Variants in ERG observed in about 807,000 individuals in gnomAD.
ERG encodes the protein transcriptional regulator ERG.
A neutral mutation model predicts 55.3 loss-of-function variants in ERG; 9 were observed. The ratio of observed to expected loss-of-function variants is 0.16; its 90% CI spans 0.10 to 0.28. ERG has a LOEUF of 0.28. ERG is among the 10% of genes least tolerant of loss of function. The probability of loss-of-function intolerance (pLI) is 1.00; values close to 1 mark genes in which losing one functional copy is unlikely to be tolerated. For synonymous variants in ERG, 223 were observed against 237.3 expected (o/e 0.94, Z 0.55); for missense variants, 434 against 631.6 (o/e 0.69, Z 3.35).
intron 2 of ERG, among the ~76,000 whole-genome samples, chr21:38,548,789 T>C (rs1292519634): frequency 6.8e-6 from 1 of 147,080 alleles, no homozygotes; most frequent in Non-Finnish European, 1.5e-5. Context: ...AAAGAGAAAC[T>C]GAACAGTTAT....
intron 2 of ERG, among the ~76,000 whole-genome samples, chr21:38,537,246 GA>G (rs753329461): frequency 1.3e-5 from 2 of 152,012 alleles, no homozygotes; most frequent in Non-Finnish European, 2.9e-5. Flanking sequence ...CATAACACTG[GA>G]TTTCACAAGC....
chr21:38,596,494 A>G (rs372224173), intron 1 of ERG, among the ~76,000 whole-genome samples: 1 of 152,240 alleles, frequency 6.6e-6, no homozygotes, highest in African/African-American at 2.4e-5. Context: ...TTTGTGATCC[A>G]GCGATACTTG....
At chr21:38,509,924 C>T (rs9305650) in intron 2 of ERG, among the ~76,000 whole-genome samples, 49,176 of 152,166 alleles carry the variant, frequency 0.32, 9,695 homozygotes, top group Non-Finnish European at 0.43. Context: ...TCTAAGGCTT[C>T]CAGGACGCCC....
intron 3 of ERG, among the ~76,000 whole-genome samples, chr21:38,416,292 C>A (rs754872989): frequency 1.3e-5 from 2 of 152,224 alleles, no homozygotes; most frequent in Admixed American, 6.5e-5. Context: ...GGCAGGAAGA[C>A]GGTCGATGGT....
chr21:38,442,597 C>T (rs2058852270), intron 2 of ERG, among the ~76,000 whole-genome samples: 1 of 152,096 alleles, frequency 6.6e-6, no homozygotes, highest in South Asian at 2.1e-4. Flanking sequence ...TGGTGTCTTT[C>T]TTTCTTATAG....
At chr21:38,573,711 G>A (rs536904351) in intron 2 of ERG, among the ~76,000 whole-genome samples, 1 of 152,290 alleles carries the variant, frequency 6.6e-6, no homozygotes, top group African/African-American at 2.4e-5. Context: ...AATTAAAACT[G>A]AGGGAACTCA....
Position 38,381,525 on chromosome 21 carries a change from T to C in ERG, c.*1878A>G, listed in dbSNP as rs1031144602. ...AAGCTGTCTACCTAGTGAGAGCTCC[T>C]GAAAGAGAAACCCCGCAGCAAATCT... On this transcript the variant is annotated 3_prime_UTR_variant, in exon 10 of 10. Transcript: ENST00000288319. 4 of 1,063,834 alleles carry C rather than the reference T, an allele frequency of 3.8e-6. No homozygotes were observed. In the African/African-American group the frequency reaches 6.6e-5, roughly 17 times the overall value. 65.9% of individuals were successfully genotyped at this position (1,063,834 alleles called of 1,614,324 possible). A position where few individuals can be genotyped will look rare whatever the true frequency, so the allele number is the denominator to read the frequency against.
chr21:38,638,310 G>A (rs1018335544), intron 1 of ERG, among the ~76,000 whole-genome samples: 1 of 152,172 alleles, frequency 6.6e-6, no homozygotes, highest in Admixed American at 6.5e-5. Flanking sequence ...CAGCACAGTC[G>A]GCATTCTATA....
intron 1 of ERG, 131 bp from the exon 2 acceptor site, chr21:38,445,752 T>C: frequency 1.5e-6 from 1 of 681,472 alleles, no homozygotes; most frequent in East Asian, 2.7e-5. Flanking sequence ...CATTTCTACC[T>C]TTCAGAAGAA....
At chr21:38,592,976 T>C (rs911289074) in intron 1 of ERG, among the ~76,000 whole-genome samples, 3 of 152,176 alleles carry the variant, frequency 2.0e-5, no homozygotes, top group East Asian at 1.9e-4. Flanking sequence ...TGTCAGGAGA[T>C]AGAAAAATAA....
chr21:38,478,520 C>T (rs576500538), intron 1 of ERG, among the ~76,000 whole-genome samples: 2 of 152,132 alleles, frequency 1.3e-5, no homozygotes, highest in Non-Finnish European at 2.9e-5. Context: ...ACCAGTTTTT[C>T]ATCCTGTGTG....
At chr21:38,645,644 G>GA (rs1601349197) in intron 1 of ERG, among the ~76,000 whole-genome samples, 1 of 152,126 alleles carries the variant, frequency 6.6e-6, no homozygotes, top group East Asian at 1.9e-4. Context: ...AGACAATTTG[G>GA]AAAAACAGAA....
chr21:38,605,721 C>T (rs1454375811), intron 1 of ERG, among the ~76,000 whole-genome samples: 2 of 152,170 alleles, frequency 1.3e-5, no homozygotes, highest in Non-Finnish European at 2.9e-5. Context: ...GGAACCTTTC[C>T]TAGCAAAAGT....
chr21:38,474,873 C>T (rs1272323921), intron 1 of ERG, among the ~76,000 whole-genome samples: 2 of 152,002 alleles, frequency 1.3e-5, no homozygotes, highest in Non-Finnish European at 2.9e-5. Context: ...AGTGAAGCAT[C>T]GTAGACAATA....
chr21:38,462,450 C>G (rs749198050), intron 1 of ERG, among the ~76,000 whole-genome samples: 1 of 152,076 alleles, frequency 6.6e-6, no homozygotes, highest in African/African-American at 2.4e-5. Context: ...TCACTGCCGT[C>G]GAGGTTTTAA....
chr21:38,499,109 A>C (rs1276100719), upstream of ERG, among the ~76,000 whole-genome samples: 1 of 152,246 alleles, frequency 6.6e-6, no homozygotes, highest in Non-Finnish European at 1.5e-5. Context: ...CTAGGCTTAC[A>C]GTAAACACAA....
intron 1 of ERG, among the ~76,000 whole-genome samples, chr21:38,487,301 C>A (rs2073139652): frequency 6.6e-6 from 1 of 151,922 alleles, no homozygotes; most frequent in South Asian, 2.1e-4. Context: ...GGTGTAACAT[C>A]AATTATTTTA....
At chr21:38,504,653 C>A (rs528351710) in intron 2 of ERG, among the ~76,000 whole-genome samples, 44 of 152,282 alleles carry the variant, frequency 2.9e-4, no homozygotes, top group African/African-American at 8.7e-4. Context: ...GCTTCGTATG[C>A]CCACAGGGCA....
intron 1 of ERG, among the ~76,000 whole-genome samples, chr21:38,594,258 A>G (rs976761743): frequency 5.3e-5 from 8 of 152,162 alleles, no homozygotes; most frequent in African/African-American, 2.4e-5. Context: ...ACTGGACACA[A>G]TTGGGAAATA....
Sources: allele counts gnomAD v4.1 joint callset (sites outside exome capture counted in the v4.1 genomes callset), GRCh38; gene constraint gnomAD v4.1.1; transcripts MANE v1.5; gene names NCBI Gene and HGNC (gene_info 2026-07-23, HGNC 2026-07-21).